AARD: variants seen among roughly 807,000 people sequenced by gnomAD.
AARD encodes the protein alanine and arginine rich domain containing protein.
AARD carries 9 observed loss-of-function variants against 9.3 expected under a neutral mutation model. That is an observed-to-expected ratio of 0.97 (90% confidence interval 0.58 to 1.69). The LOEUF is 1.69. Among genes scored for constraint, AARD ranks in the 40% most tolerant of loss-of-function variants. The pLI is 0.00. For missense variants in AARD, 236 were observed against 210.3 expected (o/e 1.12, Z -0.76); for synonymous variants, 91 against 93.8 (o/e 0.97, Z 0.17).
chr8:116,942,829 C>T lies in AARD; in HGVS notation c.*128C>T. ...TCCTGGCTAACACTGTGAAACCCTG[C>T]CTCTACTAAAAATACAAAAAATTAG... On this transcript the variant is annotated 3_prime_UTR_variant, in exon 2 of 2. Transcript: ENST00000378279. 2 of 880,372 alleles carry T rather than the reference C, an allele frequency of 2.3e-6. No individual in the cohort carries two copies. The highest frequency in any genetic ancestry group is 2.2e-5 in the South Asian group (1 of 44,714). 54.5% of individuals were successfully genotyped at this position (880,372 alleles called of 1,614,324 possible).
At position 116,944,057 on chromosome 8, in the gene AARD, G is replaced by A. The variant is rs944136904; in HGVS notation, c.*1356G>A. ...TACAAATTAATTTATAACAAGCTAT[G>A]TAATTTTAATATTTAATAAACTATA... On this transcript the variant is annotated 3_prime_UTR_variant, in exon 2 of 2. Coordinates refer to ENST00000378279, the MANE Select transcript of AARD (RefSeq NM_001025357.3). 6.6e-6 allele frequency: 1 copy of A among 152,164 alleles called. No individual in the cohort carries two copies. The highest frequency in any genetic ancestry group is 2.4e-5 in the African/African-American group (1 of 41,440). The allele number at this position is 152,164 out of a possible 1,614,324, so 9.4% of individuals were successfully genotyped here. A position where few individuals can be genotyped will look rare whatever the true frequency, so the allele number is the denominator to read the frequency against.
In AARD at chr8:116,938,555, G is replaced by A. The variant is rs1813704779; in HGVS notation, c.312G>A (p.Leu104=). Residue 104 remains leucine (L), a synonymous_variant, in exon 1 of 2, where the codon CTG becomes CTA. Transcript: ENST00000378279. ...WTGVEATLAR[L]RAELVEMHFQ... ...GCGTTGAGGCCACCCTGGCCAGGCTGCGGGCGGAGCTGGTGAGAGAGCGGG... is the reference window on the plus strand; with the variant it reads ...GCGTTGAGGCCACCCTGGCCAGGCTACGGGCGGAGCTGGTGAGAGAGCGGG... The A allele has an allele frequency of 1.4e-6, 2 of 1,435,440 alleles. No homozygotes were observed. Among genetic ancestry groups the A allele is most frequent in the Non-Finnish European group, 9.0e-7 (1 of 1,106,478 alleles). 88.9% of individuals were successfully genotyped at this position (1,435,440 alleles called of 1,614,324 possible). A position where few individuals can be genotyped will look rare whatever the true frequency, so the allele number is the denominator to read the frequency against.
Position 116,938,249 on chromosome 8 carries a change from C to A in AARD, c.6C>A (p.Gly2=), listed in dbSNP as rs1376142437. The A allele has an allele frequency of 4.5e-6, 7 of 1,572,848 alleles. No individual in the cohort carries two copies. The highest frequency in any genetic ancestry group is 1.1e-5 in the South Asian group (1 of 88,610). The stretch of plus-strand genomic sequence containing the variant: ...AGTGACCAGGCGTCTCCGCGATGGG[C>A]CCCGGGGACTTCCGCCGCTGCAGAG... The part of the protein sequence containing the change: M[G]PGDFRRCRER... The change falls in exon 1 of 2, where the codon GGC becomes GGA. Residue 2 remains glycine (G), a synonymous_variant. Coordinates refer to ENST00000378279, the MANE Select transcript of AARD (RefSeq NM_001025357.3).
Position 116,942,713 on chromosome 8 carries a change from C to G in AARD, c.*12C>G. 1.2e-6 allele frequency: 2 copies of G among 1,611,490 alleles called. 1 individual carries two copies. Among genetic ancestry groups the G allele is most frequent in the Non-Finnish European group, 1.7e-6 (2 of 1,179,100 alleles). On this transcript the variant is annotated 3_prime_UTR_variant, in exon 2 of 2. Coordinates refer to ENST00000378279, the MANE Select transcript of AARD (RefSeq NM_001025357.3). The stretch of plus-strand genomic sequence containing the variant: ...CGAATCCGGAATAAAGAAATGCACA[C>G]GCAAGGGCTGGGCGCGGTGGCTCAC...
chr8:116,942,726 C>T lies in AARD; in HGVS notation c.*25C>T, dbSNP rs767475876. On this transcript the variant is annotated 3_prime_UTR_variant, in exon 2 of 2. Transcript: ENST00000378279. The stretch of plus-strand genomic sequence containing the variant: ...AAGAAATGCACACGCAAGGGCTGGG[C>T]GCGGTGGCTCACGCCTGTAATCCCA... The T allele has an allele frequency of 1.2e-4, 188 of 1,606,562 alleles. No individual in the cohort carries two copies. Among genetic ancestry groups the T allele is most frequent in the African/African-American group, 3.7e-4 (28 of 74,816 alleles).
In AARD at chr8:116,941,660, AAAGATAATTTT is replaced by A. The variant is rs1324821701; in HGVS notation, c.325-896_325-886del. 2.6e-5 allele frequency among the ~76,000 whole-genome samples: 4 copies of A among 152,358 alleles called. No individual in the cohort carries two copies. In the South Asian group the frequency reaches 8.3e-4, roughly 32 times the overall value. On this transcript the variant is annotated intron_variant, in intron 1 of 1. Transcript: ENST00000378279. ...AGAGGAATGTCTCAGAGAAAAACTG[AAAGATAATTTT>A]ATCCAGTAGCTTTATTTTGCAAATC...
rs963561444 is a variant in AARD at position 116,943,317 on chromosome 8, C to T, written c.*616C>T. 2 of 152,170 alleles carry T rather than the reference C, an allele frequency of 1.3e-5. No homozygotes were observed. Among genetic ancestry groups the T allele is most frequent in the African/African-American group, 4.8e-5 (2 of 41,428 alleles). The allele number at this position is 152,170 out of a possible 1,614,324, so 9.4% of individuals were successfully genotyped here. On this transcript the variant is annotated 3_prime_UTR_variant, in exon 2 of 2. Coordinates refer to ENST00000378279, the MANE Select transcript of AARD (RefSeq NM_001025357.3). ...TTTAATGCCAACTTTCGGTATTCAACCTTGTGTCACCTGACCTTTCTGGCA... is the reference window on the plus strand; with the variant it reads ...TTTAATGCCAACTTTCGGTATTCAATCTTGTGTCACCTGACCTTTCTGGCA...
chr8:116,943,665 G>T lies in AARD; in HGVS notation c.*964G>T, dbSNP rs1813773111. The T allele has an allele frequency of 7.1e-6, 1 of 140,516 alleles. No individual in the cohort carries two copies. Among genetic ancestry groups the T allele is most frequent in the Non-Finnish European group, 1.6e-5 (1 of 64,442 alleles). The allele number at this position is 140,516 out of a possible 1,614,324, so 8.7% of individuals were successfully genotyped here. A position where few individuals can be genotyped will look rare whatever the true frequency, so the allele number is the denominator to read the frequency against. ...AGAAAGCCCACACCCTAATGGAGGTGACTGAAACGGAACCACTAAAAGCAC... is the reference window on the plus strand; with the variant it reads ...AGAAAGCCCACACCCTAATGGAGGTTACTGAAACGGAACCACTAAAAGCAC... On this transcript the variant is annotated 3_prime_UTR_variant, in exon 2 of 2. Coordinates refer to ENST00000378279, the MANE Select transcript of AARD (RefSeq NM_001025357.3).
In AARD at chr8:116,943,663, G is replaced by A. The variant is rs1813772998; in HGVS notation, c.*962G>A. Reference sequence around the variant, plus strand: ...TGAGAAAGCCCACACCCTAATGGAGGTGACTGAAACGGAACCACTAAAAGC... The same window carrying A: ...TGAGAAAGCCCACACCCTAATGGAGATGACTGAAACGGAACCACTAAAAGC... On this transcript the variant is annotated 3_prime_UTR_variant, in exon 2 of 2. Coordinates refer to ENST00000378279, the MANE Select transcript of AARD (RefSeq NM_001025357.3). 6.9e-6 allele frequency: 1 copy of A among 145,234 alleles called. No homozygotes were observed. The highest frequency in any genetic ancestry group is 1.5e-5 in the Non-Finnish European group (1 of 65,858). The allele number at this position is 145,234 out of a possible 1,614,324, so 9.0% of individuals were successfully genotyped here. A position where few individuals can be genotyped will look rare whatever the true frequency, so the allele number is the denominator to read the frequency against.
At position 116,942,707 on chromosome 8, in the gene AARD, T is replaced by C. The variant is rs371456182; in HGVS notation, c.*6T>C. On this transcript the variant is annotated 3_prime_UTR_variant, in exon 2 of 2. Transcript: ENST00000378279. ...ATGCTGCGAATCCGGAATAAAGAAATGCACACGCAAGGGCTGGGCGCGGTG... is the reference window on the plus strand; with the variant it reads ...ATGCTGCGAATCCGGAATAAAGAAACGCACACGCAAGGGCTGGGCGCGGTG... The C allele has an allele frequency of 6.2e-7, 1 of 1,612,674 alleles. No individual in the cohort carries two copies. Among genetic ancestry groups the C allele is most frequent in the Non-Finnish European group, 8.5e-7 (1 of 1,179,708 alleles).
In AARD at chr8:116,944,243, G is replaced by A. The variant is rs1173761952; in HGVS notation, c.*1542G>A. The A allele has an allele frequency of 1.3e-5, 2 of 152,008 alleles. No individual in the cohort carries two copies. The highest frequency in any genetic ancestry group is 2.9e-5 in the Non-Finnish European group (2 of 68,026). 9.4% of individuals were successfully genotyped at this position (152,008 alleles called of 1,614,324 possible). ...AGCTCAGGAGTTTGAGACCAGCCTG[G>A]TCAACATGGCAAAACCCCATCTCTA... On this transcript the variant is annotated 3_prime_UTR_variant, in exon 2 of 2. Transcript: ENST00000378279.
Position 116,938,531 on chromosome 8 carries a change from C to CG in AARD, c.289dup (p.Val97GlyfsTer2). The stretch of plus-strand genomic sequence containing the variant: ...CGCGGGAGGAGCAGAGCTGGACGGG[C>CG]GTTGAGGCCACCCTGGCCAGGCTGC... On this transcript the variant is annotated frameshift_variant, in exon 1 of 2. Coordinates refer to ENST00000378279, the MANE Select transcript of AARD (RefSeq NM_001025357.3). LOFTEE classifies it low-confidence loss of function (END_TRUNC). 3 of 1,472,074 alleles carry CG rather than the reference C, an allele frequency of 2.0e-6. No homozygotes were observed. Among genetic ancestry groups the CG allele is most frequent in the South Asian group, 1.4e-5 (1 of 72,624 alleles). The allele number at this position is 1,472,074 out of a possible 1,614,324, so 91.2% of individuals were successfully genotyped here.
At chr8:116,938,741 G>A (rs892531374) in intron 1 of AARD, 174 bp downstream of exon 1, 2 of 963,526 alleles carry the variant, frequency 2.1e-6, no homozygotes, top group Non-Finnish European at 2.8e-6. Context: ...AAAGGGCCCT[G>A]CAGGACCCAT....
chr8:116,943,350 A>G lies in AARD; in HGVS notation c.*649A>G, dbSNP rs1340644138. On this transcript the variant is annotated 3_prime_UTR_variant, in exon 2 of 2. Transcript: ENST00000378279. ...CACCTGACCTTTCTGGCATTGCCTG[A>G]GCTTTCAGAGTTTGTGCTTGTTTTG... 1 of 152,156 alleles carries G rather than the reference A, an allele frequency of 6.6e-6. No homozygotes were observed. The highest frequency in any genetic ancestry group is 2.4e-5 in the African/African-American group (1 of 41,420). The allele number at this position is 152,156 out of a possible 1,614,324, so 9.4% of individuals were successfully genotyped here. A position where few individuals can be genotyped will look rare whatever the true frequency, so the allele number is the denominator to read the frequency against.
chr8:116,940,587 T>C (rs1386195093), intron 1 of AARD, among the ~76,000 whole-genome samples: 1 of 152,218 alleles, frequency 6.6e-6, no homozygotes, highest in African/African-American at 2.4e-5. Context: ...TTTTCGGCTA[T>C]TAACTGGATT....
In AARD at chr8:116,942,632, A is replaced by G. The variant is rs776318124; in HGVS notation, c.399A>G (p.Lys133=). The change falls in exon 2 of 2, where the codon AAA becomes AAG. Residue 133 remains lysine (K), a synonymous_variant. Coordinates refer to ENST00000378279, the MANE Select transcript of AARD (RefSeq NM_001025357.3). ...TAAACATGAAAGTGCAGCAATTGAA[A>G]AAGGAGTATGAACTGGAAATTACAT... ...LDLNMKVQQL[K]KEYELEITSD... is the part of the protein sequence containing the mutation. 1 of 1,614,092 alleles carries G rather than the reference A, an allele frequency of 6.2e-7. No individual in the cohort carries two copies. Among genetic ancestry groups the G allele is most frequent in the African/African-American group, 1.3e-5 (1 of 75,050 alleles).
chr8:116,938,563 A>G lies in AARD; in HGVS notation c.320A>G (p.Glu107Gly). 1 of 1,420,750 alleles carries G rather than the reference A, an allele frequency of 7.0e-7. No individual in the cohort carries two copies. The allele number at this position is 1,420,750 out of a possible 1,614,324, so 88.0% of individuals were successfully genotyped here. A position where few individuals can be genotyped will look rare whatever the true frequency, so the allele number is the denominator to read the frequency against. Residue 107 changes from glutamate to glycine, a missense_variant, in exon 1 of 2, where the codon GAG becomes GGG. Glu to Gly is a moderately conservative substitution (Grantham distance 98, BLOSUM62 -2). Coordinates refer to ENST00000378279, the MANE Select transcript of AARD (RefSeq NM_001025357.3). ...GCCACCCTGGCCAGGCTGCGGGCGG[A>G]GCTGGTGAGAGAGCGGGCTAGGCGG... ...VEATLARLRA[E>G]LVEMHFQNHQ...
chr8:116,940,073 C>T (rs577112506), intron 1 of AARD, among the ~76,000 whole-genome samples: 128 of 152,246 alleles, frequency 8.4e-4, no homozygotes, highest in South Asian at 2.1e-3. Context: ...AGATCGGGTG[C>T]GTTCAGGGTG....
In AARD at chr8:116,938,239, C is replaced by G. The variant is rs374256336; in HGVS notation, c.-5C>G. On this transcript the variant is annotated 5_prime_UTR_variant, in exon 1 of 2. Transcript: ENST00000378279. ...GCGGTAGAGCAGTGACCAGGCGTCTCCGCGATGGGCCCCGGGGACTTCCGC... is the reference window on the plus strand; with the variant it reads ...GCGGTAGAGCAGTGACCAGGCGTCTGCGCGATGGGCCCCGGGGACTTCCGC... 1 of 1,570,580 alleles carries G rather than the reference C, an allele frequency of 6.4e-7. No homozygotes were observed. The highest frequency in any genetic ancestry group is 8.7e-7 in the Non-Finnish European group (1 of 1,155,378).
Sources: allele counts gnomAD v4.1 joint callset (sites outside exome capture counted in the v4.1 genomes callset), GRCh38; gene constraint gnomAD v4.1.1; transcripts MANE v1.5; gene names NCBI Gene and HGNC (gene_info 2026-07-23, HGNC 2026-07-21).